Variants in FLRT3 observed in about 807,000 individuals in gnomAD.
The protein encoded by FLRT3 is fibronectin leucine rich transmembrane protein 3, also known as leucine-rich repeat transmembrane protein FLRT3.
A neutral mutation model predicts 42.6 loss-of-function variants in FLRT3; 17 were observed. The ratio of observed to expected loss-of-function variants is 0.40; its 90% CI spans 0.27 to 0.60. FLRT3 has a LOEUF of 0.60. Among genes scored for constraint, FLRT3 ranks in the 20% least tolerant of loss-of-function variants. FLRT3 has a pLI of 0.44. For missense variants in FLRT3, 635 were observed against 789.2 expected, an observed-to-expected ratio of 0.80 and a Z score of 2.34; for synonymous variants, 279 against 286.4, an observed-to-expected ratio of 0.97 and a Z score of 0.26.
At chr20:14,333,245 C>A (rs892071584) in intron 1 of FLRT3, among the ~76,000 whole-genome samples, 11 of 152,052 alleles carry the variant, frequency 7.2e-5, no homozygotes, top group African/African-American at 2.7e-4. Context: ...ATAAAATTTC[C>A]AATGCTAAGT....
chr20:14,328,848 G>T (rs2082783047), intron 2 of FLRT3: 1 of 152,044 alleles, frequency 6.6e-6, no homozygotes, highest in Non-Finnish European at 1.5e-5. Context: ...AGGACACATG[G>T]CTTCCTATGT....
intron 1 of FLRT3, among the ~76,000 whole-genome samples, chr20:14,334,795 C>CTTT (rs11087087): frequency 1.3e-5 from 2 of 148,662 alleles, no homozygotes; most frequent in African/African-American, 5.0e-5. Flanking sequence ...ATTTCTAATG[C>CTTT]TTTTTTTTTT....
chr20:14,335,877 T>C (rs553171903), intron 1 of FLRT3, among the ~76,000 whole-genome samples: 3 of 152,304 alleles, frequency 2.0e-5, no homozygotes, highest in South Asian at 4.1e-4. Flanking sequence ...TGTGTGTATA[T>C]ATATGTGTCC....
At chr20:14,328,135 G>A (rs1220197261) in intron 2 of FLRT3, among the ~76,000 whole-genome samples, 1 of 151,960 alleles carries the variant, frequency 6.6e-6, no homozygotes, top group Admixed American at 6.6e-5. Flanking sequence ...AGTTTGCTTT[G>A]ATTATTAATG....
In FLRT3 at chr20:14,333,393, T is replaced by C. The variant is rs117575348; in HGVS notation, c.-247+4011A>G. 9.6e-4 allele frequency among the ~76,000 whole-genome samples: 146 copies of C among 152,306 alleles called. 1 individual carries two copies. In the East Asian group the frequency reaches 0.022, roughly 23 times the overall value. The stretch of plus-strand genomic sequence containing the variant: ...AAAACAAAAAGGCAAACTGGGATAT[T>C]ATCCGTCAGCATAGTGAATGCTGCT... On this transcript the variant is annotated intron_variant, in intron 1 of 2. Transcript: ENST00000341420.
rs377198430 is a variant in FLRT3, at chr20:14,327,520, G to C, written c.-14C>G. The C allele has an allele frequency of 7.4e-5, 119 of 1,599,692 alleles. No individual in the cohort carries two copies. The highest frequency in any genetic ancestry group is 9.6e-5 in the Non-Finnish European group (113 of 1,172,858). ...TGCGCTGATCATGGTCAGCAGTGTT[G>C]AGGTCTTTATACAAGGTAGCTTCCG... On this transcript the variant is annotated 5_prime_UTR_variant, in exon 3 of 3. Transcript: ENST00000341420.
rs2122584681 is a variant in FLRT3 at position 14,327,564 on chromosome 20, A to C, written c.-52-6T>G. 1.3e-6 allele frequency: 2 copies of C among 1,514,266 alleles called. No homozygotes were observed. The highest frequency in any genetic ancestry group is 2.3e-5 in the East Asian group (1 of 43,746). 93.8% of individuals were successfully genotyped at this position (1,514,266 alleles called of 1,614,324 possible). ...GCTTCCGTTACTTCAGAACCCTAAA[A>C]TGAAGTGAGTAAAAAAAGACAGAAA... On this transcript the variant is annotated splice_region_variant and splice_polypyrimidine_tract_variant and intron_variant, in intron 2 of 2. Coordinates refer to ENST00000341420, the MANE Select transcript of FLRT3 (RefSeq NM_198391.3).
At position 14,324,470 on chromosome 20, in the gene FLRT3, TAC is replaced by T. The variant is rs2082703474; in HGVS notation, c.*1085_*1086del. The stretch of plus-strand genomic sequence containing the variant: ...TGTAAAAGTAAATTGAACATTTATG[TAC>T]AGTGTTAAAACCTTTGACATAAACC... On this transcript the variant is annotated 3_prime_UTR_variant, in exon 3 of 3. Transcript: ENST00000341420. 1 of 152,628 alleles carries T rather than the reference TAC, an allele frequency of 6.6e-6. No homozygotes were observed. The highest frequency in any genetic ancestry group is 2.4e-5 in the African/African-American group (1 of 41,458). 9.5% of individuals were successfully genotyped at this position (152,628 alleles called of 1,614,324 possible).
At position 14,326,855 on chromosome 20, in the gene FLRT3, C is replaced by T; in HGVS notation, c.652G>A (p.Asp218Asn). ...TTAACTAGGTTGAAGAAAACTTTGT[C>T]ACCTAAACCATGATTGTTCAACAGG... is the stretch of plus-strand genomic sequence containing the variant. ...GNLLNNHGLG[D>N]KVFFNLVNLT... Residue 218 changes from aspartate to asparagine, a missense_variant, in exon 3 of 3, where the codon GAC becomes AAC. By Grantham distance (23) the Asp-to-Asn change is conservative (BLOSUM62 1). Transcript: ENST00000341420. This position sits in a 1 kb window ranked among gnomAD's most constrained non-coding sequence, Gnocchi z 5.5. 1 of 1,613,694 alleles carries T rather than the reference C, an allele frequency of 6.2e-7. No homozygotes were observed. The highest frequency in any genetic ancestry group is 8.5e-7 in the Non-Finnish European group (1 of 1,179,790).
rs144382446 is a variant in FLRT3, at chr20:14,330,133, C to T, written c.-246-806G>A. Among the ~76,000 whole-genome samples the T allele has an allele frequency of 5.9e-3, 892 of 152,108 alleles. 10 individuals are homozygous for T. Among genetic ancestry groups the T allele is most frequent in the African/African-American group, 0.02 (826 of 41,532 alleles). ...GAAAGCACATCAAAACCAGGTGGGG[C>T]ATTTCTCTCTAGGTTCATACATGAA... On this transcript the variant is annotated intron_variant, in intron 1 of 2. Transcript: ENST00000341420.
chr20:14,335,830 T>C (rs2082926105), intron 1 of FLRT3, among the ~76,000 whole-genome samples: 1 of 152,218 alleles, frequency 6.6e-6, no homozygotes, highest in Admixed American at 6.6e-5. Flanking sequence ...TGTAACTCTG[T>C]TTTTATTTCA....
chr20:14,333,009 C>G (rs1288005403), intron 1 of FLRT3, among the ~76,000 whole-genome samples: 1 of 151,958 alleles, frequency 6.6e-6, no homozygotes, highest in Non-Finnish European at 1.5e-5. Flanking sequence ...TCTAAGCAGC[C>G]TGTCTGGTAG....
intron 1 of FLRT3, among the ~76,000 whole-genome samples, chr20:14,330,603 G>A (rs1234913840): frequency 3.3e-5 from 5 of 152,050 alleles, no homozygotes; most frequent in African/African-American, 4.8e-5. Flanking sequence ...ATTAACGGAA[G>A]AAAAGTGAAA....
At chr20:14,329,973 T>A (rs2082803745) in intron 1 of FLRT3, among the ~76,000 whole-genome samples, 1 of 151,986 alleles carries the variant, frequency 6.6e-6, no homozygotes, top group South Asian at 2.1e-4. Context: ...AAAGGTGACA[T>A]AGAAGTTCAA....
chr20:14,326,143 G>T lies in FLRT3; in HGVS notation c.1364C>A (p.Thr455Lys). The stretch of plus-strand genomic sequence containing the variant: ...CTCACTGCGTTCCCCTGTTACAATT[G>T]TTTCTGTTATAGATCCAAATGCCGG... ...HSPAFGSITE[T>K]IVTGERSEYL... The change falls in exon 3 of 3, where the codon ACA becomes AAA. Residue 455 changes from threonine (T) to lysine (K), a missense_variant. Thr to Lys is a moderately conservative substitution (Grantham distance 78). Coordinates refer to ENST00000341420, the MANE Select transcript of FLRT3 (RefSeq NM_198391.3). This position sits in a 1 kb window ranked among gnomAD's most constrained non-coding sequence, Gnocchi z 5.5. 1.9e-6 allele frequency: 3 copies of T among 1,613,860 alleles called. No individual in the cohort carries two copies. Among genetic ancestry groups the T allele is most frequent in the Non-Finnish European group, 2.5e-6 (3 of 1,179,878 alleles).
Position 14,326,850 on chromosome 20 carries a change from T to G in FLRT3, c.657A>C (p.Lys219Asn). The stretch of plus-strand genomic sequence containing the variant: ...TCAAATTAACTAGGTTGAAGAAAAC[T>G]TTGTCACCTAAACCATGATTGTTCA... ...NLLNNHGLGDKVFFNLVNLTE... is the reference protein window; with the variant it reads ...NLLNNHGLGDNVFFNLVNLTE... The change falls in exon 3 of 3, where the codon AAA (lysine) becomes AAC (asparagine). Residue 219 changes from lysine to asparagine, a missense_variant. By Grantham distance (94) the Lys-to-Asn change is moderately conservative. Transcript: ENST00000341420. The surrounding 1 kb of genome is among the most constrained non-coding windows in gnomAD (Gnocchi z 5.5). The G allele has an allele frequency of 6.2e-7, 1 of 1,613,676 alleles. No individual in the cohort carries two copies. Among genetic ancestry groups the G allele is most frequent in the Non-Finnish European group, 8.5e-7 (1 of 1,179,772 alleles).
rs1188877809 is a variant in FLRT3, at chr20:14,324,364, G to A, written c.*1193C>T. The stretch of plus-strand genomic sequence containing the variant: ...GTAACAGCTCACAATTCAGTAGGAA[G>A]CTAGAAGGAAATGTTACATTACGAG... On this transcript the variant is annotated 3_prime_UTR_variant, in exon 3 of 3. Coordinates refer to ENST00000341420, the MANE Select transcript of FLRT3 (RefSeq NM_198391.3). 6.6e-6 allele frequency: 1 copy of A among 152,466 alleles called. No homozygotes were observed. The highest frequency in any genetic ancestry group is 2.4e-5 in the African/African-American group (1 of 41,412). The allele number at this position is 152,466 out of a possible 1,614,324, so 9.4% of individuals were successfully genotyped here.
chr20:14,327,458 G>A lies in FLRT3; in HGVS notation c.49C>T (p.Leu17=), dbSNP rs750239836. The part of the protein sequence containing the change: ...SIFLIGTKIG[L]FLQVAPLSVM... ...GATAGAGGTGCTACTTGAAGGAACA[G>A]CCCAATTTTAGTCCCGATGAGGAAG... The change falls in exon 3 of 3, where the codon CTG becomes TTG. Residue 17 remains leucine, a synonymous_variant. Transcript: ENST00000341420. 1.9e-6 allele frequency: 3 copies of A among 1,613,278 alleles called. No individual in the cohort carries two copies. Among genetic ancestry groups the A allele is most frequent in the Non-Finnish European group, 2.5e-6 (3 of 1,179,580 alleles).
Position 14,326,166 on chromosome 20 carries a change from C to T in FLRT3, c.1341G>A (p.Pro447=), listed in dbSNP as rs368369103. 43 of 1,613,692 alleles carry T rather than the reference C, an allele frequency of 2.7e-5. No individual in the cohort carries two copies. The Middle Eastern group carries it at 4.9e-4, about 19-fold the overall frequency. ...TTGTTTCTGTTATAGATCCAAATGC[C>T]GGGCTATGGCCCAGTTTAAGCCAGC... ...RLSWLKLGHS[P]AFGSITETIV... The change falls in exon 3 of 3, where the codon CCG becomes CCA. Residue 447 remains proline, a synonymous_variant. Transcript: ENST00000341420. This position sits in a 1 kb window ranked among gnomAD's most constrained non-coding sequence, Gnocchi z 5.5.
Sources: gnomAD v4.1 joint callset for allele counts (sites outside exome capture counted in the v4.1 genomes callset) on GRCh38, gnomAD v4.1.1 for gene constraint, Gnocchi (gnomAD v3.1) non-coding constraint, MANE v1.5 for transcripts, NCBI Gene and HGNC (gene_info 2026-07-23, HGNC 2026-07-21) for gene names.